Variants in CBR4 observed in about 807,000 individuals in gnomAD.
CBR4 encodes the protein 3-oxoacyl-[acyl-carrier-protein] reductase.
Under a neutral mutation model 21.0 loss-of-function variants are expected in CBR4, and 22 were observed. The ratio of observed to expected loss-of-function variants is 1.05; its 90% CI spans 0.75 to 1.50. The LOEUF (loss-of-function observed/expected upper bound fraction) is 1.50, where lower values mean the gene tolerates loss of function less well. Among genes scored for constraint, CBR4 ranks in the 40% most tolerant of loss-of-function variants. The pLI is 0.00. For synonymous variants in CBR4, 100 were observed against 104.4 expected, an observed-to-expected ratio of 0.96 and a Z score of 0.26; for missense variants, 302 against 286.3, an observed-to-expected ratio of 1.05 and a Z score of -0.40.
At chr4:168,900,868 T>C (rs1432507912) in intron 2 of CBR4, among the ~76,000 whole-genome samples, 1 of 152,236 alleles carries the variant, frequency 6.6e-6, no homozygotes, top group Admixed American at 6.5e-5. Context: ...AGGAATTATA[T>C]CTTGAACTTC....
intron 2 of CBR4, chr4:168,924,870 A>G: frequency 6.9e-7 from 1 of 1,441,112 alleles, no homozygotes; most frequent in Non-Finnish European, 9.8e-7. Flanking sequence ...TAATGATCTA[A>G]TTAAAAATGA....
rs756544732 is a variant in CBR4, at chr4:168,903,815, A to G, written n.170-9050T>C. ...CCAAAGAGTGATCACTACACCATTCAAAGAGATCTCGATGGGACCTGCTCC... is the reference window on the plus strand; with the variant it reads ...CCAAAGAGTGATCACTACACCATTCGAAGAGATCTCGATGGGACCTGCTCC... On this transcript the variant is annotated intron_variant and non_coding_transcript_variant, in intron 2 of 3. Coordinates refer to the CBR4 transcript ENST00000509108. 1.6e-5 allele frequency: 26 copies of G among 1,611,716 alleles called. No individual in the cohort carries two copies. The highest frequency in any genetic ancestry group is 1.3e-4 in the South Asian group (12 of 91,036).
rs185234677 is a variant in CBR4 at position 168,894,546 on chromosome 4, A to G, written n.365+24T>C. On this transcript the variant is annotated intron_variant and non_coding_transcript_variant, in intron 3 of 3. Coordinates refer to the CBR4 transcript ENST00000509108. ...CAGTACATATTTGTGATTTTTTTCT[A>G]ATTTTGTATTTTTTGTGACTTACGT... 22 of 1,426,642 alleles carry G rather than the reference A, an allele frequency of 1.5e-5. No homozygotes were observed. In the East Asian group the frequency reaches 3.5e-4, roughly 23 times the overall value. The allele number at this position is 1,426,642 out of a possible 1,614,324, so 88.4% of individuals were successfully genotyped here.
At chr4:168,909,902 ACTT>A (rs982146948) in intron 2 of CBR4, among the ~76,000 whole-genome samples, 20 of 152,084 alleles carry the variant, frequency 1.3e-4, no homozygotes. Context: ...AAATTATACA[ACTT>A]CTTAGTTTGG....
chr4:169,008,207 C>G (rs1235350124), intron 1 of CBR4, among the ~76,000 whole-genome samples: 2 of 152,008 alleles, frequency 1.3e-5, no homozygotes, highest in African/African-American at 4.8e-5. Flanking sequence ...TTTTTAAGTG[C>G]TACGGATGCA....
At chr4:168,998,516 G>C (rs928421803) in intron 4 of CBR4, among the ~76,000 whole-genome samples, 2 of 152,116 alleles carry the variant, frequency 1.3e-5, no homozygotes, top group Non-Finnish European at 2.9e-5. Flanking sequence ...TAGTGTACTG[G>C]GGAGATTGGA....
intron 2 of CBR4, chr4:168,916,046 T>C (rs1233089320): frequency 4.3e-6 from 7 of 1,609,628 alleles, no homozygotes; most frequent in African/African-American, 1.3e-5. Flanking sequence ...TTGTTATTGC[T>C]TGCATATCCT....
At chr4:168,895,632 T>C (rs1754964954) in intron 2 of CBR4, among the ~76,000 whole-genome samples, 1 of 152,218 alleles carries the variant, frequency 6.6e-6, no homozygotes, top group Non-Finnish European at 1.5e-5. Flanking sequence ...AAGGTCTTCA[T>C]CCTCATTGTC....
At chr4:168,946,078 C>A (rs923097589) in intron 2 of CBR4, among the ~76,000 whole-genome samples, 3 of 152,172 alleles carry the variant, frequency 2.0e-5, no homozygotes. Context: ...CTCTCCTATA[C>A]CTTGCATAGG....
chr4:168,966,475 C>T (rs1435936799), intron 2 of CBR4, among the ~76,000 whole-genome samples: 1 of 150,808 alleles, frequency 6.6e-6, no homozygotes, highest in African/African-American at 2.4e-5. Context: ...TGCAGTGAGC[C>T]GAGATCGCAC....
chr4:168,960,318 T>G (rs1763809372), intron 2 of CBR4, among the ~76,000 whole-genome samples: 1 of 152,200 alleles, frequency 6.6e-6, no homozygotes. Flanking sequence ...TACTATTATT[T>G]GAAAGTACCA....
intron 2 of CBR4, among the ~76,000 whole-genome samples, chr4:168,895,474 CAA>C (rs1404485614): frequency 1.3e-5 from 2 of 152,178 alleles, no homozygotes; most frequent in African/African-American, 2.4e-5. Flanking sequence ...TTACTGATAA[CAA>C]AGAGTTGATT....
rs1358545835 is a variant in CBR4, at chr4:168,924,111, G to A, written n.170-29346C>T. 5 of 686,946 alleles carry A rather than the reference G, an allele frequency of 7.3e-6. No homozygotes were observed. The East Asian group carries it at 1.3e-4, about 19-fold the overall frequency. The allele number at this position is 686,946 out of a possible 1,614,324, so 42.6% of individuals were successfully genotyped here. On this transcript the variant is annotated intron_variant and non_coding_transcript_variant, in intron 2 of 3. Transcript: ENST00000509108. ...CTTTGCTTGGTAAAAGAATAATTTG[G>A]AGAGGGGACTAGCATCTTACCACCT...
rs181513422 is a variant in CBR4 at position 168,951,553 on chromosome 4, C to T, written n.169+50518G>A. Among the ~76,000 whole-genome samples, 740 of 152,168 alleles carry T rather than the reference C, an allele frequency of 4.9e-3. 7 individuals are homozygous for T. The highest frequency in any genetic ancestry group is 5.5e-3 in the Admixed American group (84 of 15,282). ...AAAGAGGTTCTGCTTTGATGTGTTT[C>T]CAGGATTTGTTTCAAGATTTAGAGC... On this transcript the variant is annotated intron_variant and non_coding_transcript_variant, in intron 2 of 3. Transcript: ENST00000509108.
At chr4:168,996,412 A>AC (rs906384729) in intron 4 of CBR4, among the ~76,000 whole-genome samples, 90 of 109,084 alleles carry the variant, frequency 8.3e-4, no homozygotes, top group African/African-American at 2.2e-3. Flanking sequence ...TTTTCACATC[A>AC]CCCCCCCCTT....
intron 2 of CBR4, among the ~76,000 whole-genome samples, chr4:168,969,222 T>C (rs1764132744): frequency 6.6e-6 from 1 of 152,212 alleles, no homozygotes; most frequent in African/African-American, 2.4e-5. Context: ...CTGTGTACAT[T>C]TGCTGTATTA....
chr4:168,983,864 C>T (rs1316012917), downstream of CBR4, among the ~76,000 whole-genome samples: 3 of 152,040 alleles, frequency 2.0e-5, no homozygotes, highest in Non-Finnish European at 4.4e-5. Flanking sequence ...AACATCTCTT[C>T]ATCTTAAAAA....
intron 2 of CBR4, among the ~76,000 whole-genome samples, chr4:168,947,404 T>G (rs998179824): frequency 1.3e-5 from 2 of 152,146 alleles, no homozygotes; most frequent in Non-Finnish European, 2.9e-5. Context: ...TTTTTCCCCA[T>G]AGGTTACTGG....
chr4:168,919,744 A>G (rs1357402895), intron 2 of CBR4, among the ~76,000 whole-genome samples: 1 of 152,100 alleles, frequency 6.6e-6, no homozygotes, highest in Non-Finnish European at 1.5e-5. Context: ...TTTCAGGAAA[A>G]TAACTAATTC....
Sources: allele counts gnomAD v4.1 joint callset (sites outside exome capture counted in the v4.1 genomes callset), GRCh38; gene constraint gnomAD v4.1.1; transcripts MANE v1.5; gene names NCBI Gene and HGNC (gene_info 2026-07-23, HGNC 2026-07-21).